CFAP20DC: variants seen among roughly 807,000 people sequenced by gnomAD.
CFAP20DC encodes the protein protein CFAP20DC.
CFAP20DC carries 84 observed loss-of-function variants against 101.7 expected under a neutral mutation model. That is an observed-to-expected ratio of 0.83 (90% CI 0.69 to 0.99). CFAP20DC has a LOEUF of 0.99. Among genes scored for constraint, CFAP20DC ranks in the 50% least tolerant of loss-of-function variants. The probability of loss-of-function intolerance (pLI) is 0.00; values close to 1 mark genes in which losing one functional copy is unlikely to be tolerated. For missense variants in CFAP20DC, 1,007 were observed against 970.3 expected (o/e 1.04, Z -0.50); for synonymous variants, 359 against 351.2 (o/e 1.02, Z -0.25).
intron 15 of CFAP20DC, among the ~76,000 whole-genome samples, chr3:58,770,461 G>GGT (rs2070738118): frequency 6.6e-6 from 1 of 152,186 alleles, no homozygotes; most frequent in Non-Finnish European, 1.5e-5. Flanking sequence ...GTTAGATAGA[G>GGT]GTAAGCCCAA....
rs918792488 is a variant in CFAP20DC at position 58,862,932 on chromosome 3, T to G, written c.1593+626A>C. The G allele has an allele frequency of 4.1e-6, 4 of 972,364 alleles. 1 individual carries two copies. In the East Asian group the frequency reaches 4.6e-4, roughly 111 times the overall value. 60.2% of individuals were successfully genotyped at this position (972,364 alleles called of 1,614,324 possible). A position where few individuals can be genotyped will look rare whatever the true frequency, so the allele number is the denominator to read the frequency against. On this transcript the variant is annotated intron_variant, in intron 12 of 16. Transcript: ENST00000482387. ...AAATATTTCCAAATTATATTCAGTT[T>G]GATTTGAAACATTTTAAAACTTTTT... is the stretch of plus-strand genomic sequence containing the variant.
chr3:58,868,006 T>C lies in CFAP20DC; in HGVS notation c.1016-70A>G, dbSNP rs1462999320. 6 of 1,438,020 alleles carry C rather than the reference T, an allele frequency of 4.2e-6. No individual in the cohort carries two copies. The highest frequency in any genetic ancestry group is 2.4e-5 in the Admixed American group (1 of 41,064). 89.1% of individuals were successfully genotyped at this position (1,438,020 alleles called of 1,614,324 possible). A position where few individuals can be genotyped will look rare whatever the true frequency, so the allele number is the denominator to read the frequency against. ...ATATGGCTTGAAGTAACTCAGTAAA[T>C]ATAATTATCACTATAATGAGAATAT... On this transcript the variant is annotated intron_variant, in intron 9 of 16. Transcript: ENST00000482387. This position sits in a 1 kb window ranked among gnomAD's most constrained non-coding sequence, Gnocchi z 4.6.
chr3:58,966,672 C>T lies in CFAP20DC; in HGVS notation c.279-28910G>A, dbSNP rs571143865. On this transcript the variant is annotated intron_variant, in intron 4 of 16. Transcript: ENST00000482387. The stretch of plus-strand genomic sequence containing the variant: ...CCGAGTAGCTGGGATCACAGGTGCC[C>T]ACCACCATGCCTGGCTAATTTTTTG... Among the ~76,000 whole-genome samples the T allele has an allele frequency of 1.7e-4, 26 of 151,466 alleles. 1 individual carries two copies. The East Asian group carries it at 4.7e-3, about 27-fold the overall frequency.
At chr3:58,842,184 G>C (rs1371910731) in intron 13 of CFAP20DC, among the ~76,000 whole-genome samples, 1 of 151,874 alleles carries the variant, frequency 6.6e-6, no homozygotes, top group East Asian at 1.9e-4. Context: ...AATAGGAACA[G>C]CTCCGGTCTA....
At chr3:58,823,203 T>C (rs1458714774) in intron 14 of CFAP20DC, among the ~76,000 whole-genome samples, 1 of 152,168 alleles carries the variant, frequency 6.6e-6, no homozygotes, top group Non-Finnish European at 1.5e-5. Context: ...CTGTCTTTTG[T>C]TGCAACAGAG....
chr3:58,964,931 A>G lies in CFAP20DC; in HGVS notation c.279-27169T>C, dbSNP rs1366026728. ...TGAAACCACTACTGAAATATTTTCT[A>G]AAAAGGTTCTGCCCAACCTACTACT... On this transcript the variant is annotated intron_variant, in intron 4 of 16. Coordinates refer to ENST00000482387, the MANE Select transcript of CFAP20DC (RefSeq NM_001394063.1). This position sits in a 1 kb window ranked among gnomAD's most constrained non-coding sequence, Gnocchi z 4.1. 6.6e-6 allele frequency among the ~76,000 whole-genome samples: 1 copy of G among 152,190 alleles called. No individual in the cohort carries two copies. The highest frequency in any genetic ancestry group is 2.4e-5 in the African/African-American group (1 of 41,462).
At chr3:58,982,790 T>C (rs1023196023) in intron 4 of CFAP20DC, among the ~76,000 whole-genome samples, 3 of 151,424 alleles carry the variant, frequency 2.0e-5, no homozygotes, top group African/African-American at 7.3e-5. Context: ...CACACCAACA[T>C]GGCACATGTA....
chr3:58,762,003 T>C (rs2069659915), intron 15 of CFAP20DC, among the ~76,000 whole-genome samples: 1 of 152,184 alleles, frequency 6.6e-6, no homozygotes, highest in Non-Finnish European at 1.5e-5. Flanking sequence ...CTGAAAAGAA[T>C]GTATATTCTG....
chr3:58,815,981 A>G (rs1009387817), intron 14 of CFAP20DC, among the ~76,000 whole-genome samples: 2 of 151,674 alleles, frequency 1.3e-5, no homozygotes, highest in Non-Finnish European at 2.9e-5. Context: ...AACTGGAAAT[A>G]TCATTTGACC....
intron 4 of CFAP20DC, among the ~76,000 whole-genome samples, chr3:58,998,450 T>C (rs1260320130): frequency 6.6e-6 from 1 of 152,196 alleles, no homozygotes; most frequent in South Asian, 2.1e-4. Flanking sequence ...GCATAGAACA[T>C]GCCACAGACT....
At chr3:58,926,261 G>C (rs1027157401) in intron 5 of CFAP20DC, among the ~76,000 whole-genome samples, 1 of 151,794 alleles carries the variant, frequency 6.6e-6, no homozygotes, top group Non-Finnish European at 1.5e-5. Context: ...AGATACTCAG[G>C]AGGCTGAGGC....
rs191096174 is a variant in CFAP20DC, at chr3:58,722,077, C to T, written c.198-4449G>A. On this transcript the variant is annotated intron_variant, in intron 3 of 3. Coordinates refer to the CFAP20DC transcript ENST00000486145. This position sits in a 1 kb window ranked among gnomAD's most constrained non-coding sequence, Gnocchi z 4.5. The stretch of plus-strand genomic sequence containing the variant: ...ACTTGGAACATTTGCTTTCTGGATG[C>T]TCCTCTTGGGAGCCAGCTGCCATTC... Among the ~76,000 whole-genome samples, 1 of 152,324 alleles carries T rather than the reference C, an allele frequency of 6.6e-6. No homozygotes were observed. The highest frequency in any genetic ancestry group is 1.9e-4 in the East Asian group (1 of 5,186).
At chr3:58,876,314 A>C (rs2080752991) in intron 7 of CFAP20DC, among the ~76,000 whole-genome samples, 2 of 152,244 alleles carry the variant, frequency 1.3e-5, no homozygotes, top group South Asian at 4.1e-4. Context: ...ATTAACACCT[A>C]CTAAGAAAAG....
chr3:58,742,724 G>C (rs1575528024), intron 16 of CFAP20DC, 152 bp from the exon 17 acceptor site: 1 of 447,666 alleles, frequency 2.2e-6, no homozygotes, highest in Non-Finnish European at 3.9e-6. Context: ...CTGTGGAAGT[G>C]GTGAGACTCT....
rs773323604 is a variant in CFAP20DC at position 58,731,711 on chromosome 3, T to C, written c.198-14083A>G. 2.0e-5 allele frequency among the ~76,000 whole-genome samples: 3 copies of C among 152,346 alleles called. No homozygotes were observed. The East Asian group carries it at 5.8e-4, about 29-fold the overall frequency. On this transcript the variant is annotated intron_variant, in intron 3 of 3. Transcript: ENST00000486145. ...TAAATTCTCAAGGGCTTTTAAAAAA[T>C]ATAGATTCTTTTTAAGTATGCGGTA...
intron 13 of CFAP20DC, among the ~76,000 whole-genome samples, chr3:58,839,495 T>C (rs1200784696): frequency 6.6e-6 from 1 of 152,220 alleles, no homozygotes; most frequent in African/African-American, 2.4e-5. Context: ...AGTCAAGGAT[T>C]TCAGATCTTA....
At chr3:58,930,038 G>A (rs1165954367) in intron 5 of CFAP20DC, among the ~76,000 whole-genome samples, 1 of 152,036 alleles carries the variant, frequency 6.6e-6, no homozygotes, top group East Asian at 1.9e-4. Context: ...ATGCCTTCCT[G>A]TCTTTCAAGG....
chr3:58,792,835 A>T (rs1326665972), intron 15 of CFAP20DC, among the ~76,000 whole-genome samples: 2 of 152,060 alleles, frequency 1.3e-5, no homozygotes, highest in Non-Finnish European at 2.9e-5. Context: ...TAGAAGATAA[A>T]TTCTTGTTGT....
intron 3 of CFAP20DC, among the ~76,000 whole-genome samples, chr3:58,723,765 T>C (rs6782067): frequency 0.045 from 6,919 of 152,268 alleles, 182 homozygotes; most frequent in African/African-American, 0.059. Flanking sequence ...TTAGGGCTAG[T>C]AAGAGGATTA....
Sources: allele counts gnomAD v4.1 joint callset (sites outside exome capture counted in the v4.1 genomes callset), GRCh38; gene constraint gnomAD v4.1.1; non-coding constraint Gnocchi (gnomAD v3.1); transcripts MANE v1.5; gene names NCBI Gene and HGNC (gene_info 2026-07-23, HGNC 2026-07-21).